MGAT5: variants seen among roughly 807,000 people sequenced by gnomAD.
MGAT5 encodes the protein alpha-1,6-mannosylglycoprotein 6-beta-N-acetylglucosaminyltransferase A.
In MGAT5, 30 loss-of-function variants were observed where a neutral mutation model predicts 94.3. The ratio of observed to expected loss-of-function variants is 0.32; its 90% CI spans 0.24 to 0.43. MGAT5 has a LOEUF of 0.43. Among genes scored for constraint, MGAT5 ranks in the 20% least tolerant of loss-of-function variants. MGAT5 has a pLI of 1.00. For synonymous variants in MGAT5, 310 were observed against 322.9 expected (o/e 0.96, Z 0.43); for missense variants, 691 against 905.5 (o/e 0.76, Z 3.04).
At chr2:134,194,445 C>G (rs2105249888) in intron 1 of MGAT5, among the ~76,000 whole-genome samples, 1 of 152,218 alleles carries the variant, frequency 6.6e-6, no homozygotes, top group African/African-American at 2.4e-5. Context: ...CTTACTACAA[C>G]CTTGGACAGT....
At position 134,441,810 on chromosome 2, in the gene MGAT5, A is replaced by G. The variant is rs1423799629; in HGVS notation, c.1922A>G (p.Lys641Arg). 3.7e-6 allele frequency: 6 copies of G among 1,614,042 alleles called. No homozygotes were observed. The highest frequency in any genetic ancestry group is 1.3e-5 in the African/African-American group (1 of 74,916). ...MWPPLSALQV[K>R]LAEPGQSCKQ... ...CCACCCCTCAGCGCCCTACAGGTCA[A>G]GCTTGCTGAGCCCGGGCAGTCCTGC... Residue 641 changes from lysine to arginine, a missense_variant, in exon 15 of 16, where the codon AAG becomes AGG. Lys to Arg is a conservative substitution (Grantham distance 26). This residue lies in a region of MGAT5 where 260 missense variants were observed against 347.0 expected (regional missense o/e 0.75). Coordinates refer to ENST00000281923, the MANE Select transcript of MGAT5 (RefSeq NM_002410.5).
intron 7 of MGAT5, among the ~76,000 whole-genome samples, chr2:134,343,713 T>TG (rs918135300): frequency 1.1e-4 from 16 of 152,112 alleles, no homozygotes; most frequent in African/African-American, 2.9e-4. Context: ...ACACTGAACA[T>TG]GGGGTGGACC....
At chr2:134,228,393 T>A (rs904067668) in intron 1 of MGAT5, among the ~76,000 whole-genome samples, 3 of 152,230 alleles carry the variant, frequency 2.0e-5, no homozygotes, top group Admixed American at 6.5e-5. Context: ...GGTGCCCTAG[T>A]TGCCTAAAAG....
At chr2:134,270,776 A>G (rs76490605) in intron 2 of MGAT5, among the ~76,000 whole-genome samples, 1 of 152,338 alleles carries the variant, frequency 6.6e-6, no homozygotes, top group East Asian at 1.9e-4. Flanking sequence ...TGTGTGACAC[A>G]TTTGCTCTTA....
intron 1 of MGAT5, among the ~76,000 whole-genome samples, chr2:134,214,055 C>T (rs1008217670): frequency 6.6e-6 from 1 of 152,188 alleles, no homozygotes; most frequent in Non-Finnish European, 1.5e-5. Context: ...ACCTCAGCCA[C>T]CAGTCAATAG....
At chr2:134,344,778 A>C in intron 7 of MGAT5, 152 bp from the exon 8 acceptor site, 1 of 880,558 alleles carries the variant, frequency 1.1e-6, no homozygotes, top group African/African-American at 1.7e-5. Flanking sequence ...GATGGAAATA[A>C]TTTATATAGG....
intron 1 of MGAT5, among the ~76,000 whole-genome samples, chr2:134,255,760 G>A (rs939335238): frequency 6.6e-5 from 10 of 152,092 alleles, no homozygotes; most frequent in African/African-American, 2.4e-4. Context: ...GTGGAGTTGT[G>A]TTTTGTGACC....
intron 9 of MGAT5, among the ~76,000 whole-genome samples, chr2:134,360,178 A>G (rs77874955): frequency 6.6e-6 from 1 of 151,856 alleles, no homozygotes; most frequent in African/African-American, 2.4e-5. Context: ...ATGAAAACGT[A>G]GAAGAGAGCT....
chr2:134,189,832 C>CCT (rs1019008949), intron 1 of MGAT5, among the ~76,000 whole-genome samples: 6 of 151,888 alleles, frequency 4.0e-5, no homozygotes, highest in Admixed American at 3.3e-4. Context: ...CATCTCCTGA[C>CCT]CTCCTGATCC....
chr2:134,197,111 G>A (rs1027197546), intron 1 of MGAT5, among the ~76,000 whole-genome samples: 2 of 152,186 alleles, frequency 1.3e-5, no homozygotes, highest in Non-Finnish European at 2.9e-5. Context: ...TATGGGGGGT[G>A]GTCAGGGATA....
rs530396156 is a variant in MGAT5, at chr2:134,125,315, C to T, written c.-143+5024C>T. On this transcript the variant is annotated intron_variant, in intron 1 of 16. Transcript: ENST00000409645. ...CTAGCTAAGGTTACAAACAGCTACT[C>T]AGTGGCAGAGCAAGGATTTGAAGCC... Among the ~76,000 whole-genome samples, 18 of 152,290 alleles carry T rather than the reference C, an allele frequency of 1.2e-4. No individual in the cohort carries two copies. In the South Asian group the frequency reaches 3.7e-3, roughly 32 times the overall value.
At position 134,332,295 on chromosome 2, in the gene MGAT5, C is replaced by G. The variant is rs1358041574; in HGVS notation, c.574-3922C>G. ...CAGAAATAATGCCACATATCTACAA[C>G]TATCTGATCTTTGACAAACCTGAGA... On this transcript the variant is annotated intron_variant, in intron 4 of 15. Transcript: ENST00000281923. 1.2e-4 allele frequency among the ~76,000 whole-genome samples: 18 copies of G among 151,988 alleles called. No individual in the cohort carries two copies. In the East Asian group the frequency reaches 1.4e-3, roughly 11 times the overall value.
At chr2:134,433,532 C>T (rs1283374112) in intron 14 of MGAT5, among the ~76,000 whole-genome samples, 2 of 152,122 alleles carry the variant, frequency 1.3e-5, no homozygotes, top group Non-Finnish European at 2.9e-5. Flanking sequence ...TTATAGGCAC[C>T]GTCACTGTTT....
intron 4 of MGAT5, among the ~76,000 whole-genome samples, chr2:134,323,206 T>G (rs1687433926): frequency 6.6e-6 from 1 of 152,154 alleles, no homozygotes; most frequent in African/African-American, 2.4e-5. Flanking sequence ...TATTTTTCCT[T>G]AAAATACCCC....
chr2:134,138,001 T>TG (rs899501355), intron 1 of MGAT5, among the ~76,000 whole-genome samples: 7 of 151,782 alleles, frequency 4.6e-5, no homozygotes, highest in African/African-American at 1.7e-4. Flanking sequence ...TTTTTTTTTT[T>TG]TTTGTTTTGA....
intron 2 of MGAT5, among the ~76,000 whole-genome samples, chr2:134,306,087 G>A (rs1176135370): frequency 6.6e-6 from 1 of 151,896 alleles, no homozygotes; most frequent in Non-Finnish European, 1.5e-5. Context: ...TATAAAACTA[G>A]CATTCTCCTA....
intron 15 of MGAT5, 45 bp downstream of exon 15, chr2:134,441,960 A>C (rs557858713): frequency 6.3e-7 from 1 of 1,597,312 alleles, no homozygotes; most frequent in Admixed American, 1.7e-5. Flanking sequence ...CCTAGACTCC[A>C]GCTGGCCTTG....
At chr2:134,159,290 C>T (rs1340729447) in intron 1 of MGAT5, among the ~76,000 whole-genome samples, 2 of 151,710 alleles carry the variant, frequency 1.3e-5, no homozygotes, top group African/African-American at 4.8e-5. Flanking sequence ...CTTCCCTTCT[C>T]GCTTCCCTTC....
intron 12 of MGAT5, among the ~76,000 whole-genome samples, chr2:134,414,789 G>A (rs901280477): frequency 6.6e-5 from 10 of 152,134 alleles, no homozygotes; most frequent in African/African-American, 2.2e-4. Context: ...TGGGAATCAC[G>A]AATGTATTCT....
Sources: gnomAD v4.1 joint callset for allele counts (sites outside exome capture counted in the v4.1 genomes callset) on GRCh38, gnomAD v4.1.1 for gene constraint, gnomAD v4.1.1 regional missense constraint, MANE v1.5 for transcripts, NCBI Gene and HGNC (gene_info 2026-07-23, HGNC 2026-07-21) for gene names.